Variants in CTNNA3 observed in about 807,000 individuals in gnomAD.
The protein encoded by CTNNA3 is catenin alpha-3.
CTNNA3 carries 76 observed loss-of-function variants against 95.7 expected under a neutral mutation model. The ratio of observed to expected loss-of-function variants is 0.79; its 90% CI spans 0.66 to 0.96. The LOEUF is 0.96. Ranked by LOEUF, CTNNA3 falls within the 40% of genes least tolerant of loss-of-function variation. The pLI is 0.00. For synonymous variants in CTNNA3, 431 were observed against 374.4 expected (o/e 1.15, Z -1.74); for missense variants, 1,191 against 1,089.8 (o/e 1.09, Z -1.31).
chr10:67,679,670 T>TA (rs1309923530), intron 1 of CTNNA3, among the ~76,000 whole-genome samples: 11 of 152,280 alleles, frequency 7.2e-5, no homozygotes, highest in Admixed American at 2.6e-4. Flanking sequence ...TTCCTTTTTT[T>TA]AAAAAAATCA....
rs1480526961 is a variant in CTNNA3, at chr10:65,956,432, T to G, written c.2400+10180A>C. Among the ~76,000 whole-genome samples the G allele has an allele frequency of 3.3e-5, 5 of 152,222 alleles. No homozygotes were observed. In the East Asian group the frequency reaches 9.6e-4, roughly 29 times the overall value. On this transcript the variant is annotated intron_variant, in intron 17 of 17. Transcript: ENST00000433211. The stretch of plus-strand genomic sequence containing the variant: ...TAGTTATTCTTGCCTTCTGCTAGAT[T>G]TTGAATGTGTTTGCTCTTGCTTCTC...
chr10:67,388,705 G>A (rs1354361305), intron 5 of CTNNA3, among the ~76,000 whole-genome samples: 26 of 151,986 alleles, frequency 1.7e-4, no homozygotes, highest in East Asian at 5.8e-4. Context: ...GACTAACAGC[G>A]GATCTCTCGG....
chr10:66,688,700 G>A (rs769966469), intron 9 of CTNNA3, among the ~76,000 whole-genome samples: 40 of 152,018 alleles, frequency 2.6e-4, no homozygotes, highest in African/African-American at 8.2e-4. Context: ...GGCCGGGCGC[G>A]GTGGCTCACG....
intron 13 of CTNNA3, among the ~76,000 whole-genome samples, chr10:66,264,515 G>A (rs2091098512): frequency 6.6e-6 from 1 of 151,672 alleles, no homozygotes; most frequent in Non-Finnish European, 1.5e-5. Flanking sequence ...GGATATATTT[G>A]GTTAAAATAT....
At chr10:67,496,838 T>C (rs1266907852) in intron 5 of CTNNA3, among the ~76,000 whole-genome samples, 1 of 152,172 alleles carries the variant, frequency 6.6e-6, no homozygotes, top group African/African-American at 2.4e-5. Flanking sequence ...TGATAAACAC[T>C]TACTGTTTTC....
chr10:66,662,651 C>T (rs558621519), intron 9 of CTNNA3, among the ~76,000 whole-genome samples: 1 of 152,240 alleles, frequency 6.6e-6, no homozygotes, highest in Non-Finnish European at 1.5e-5. Flanking sequence ...CAGATCCCAT[C>T]TCCTTTTGCC....
In CTNNA3 at chr10:67,534,179, G is replaced by T. The variant is rs78723701; in HGVS notation, c.459+5324C>A. Among the ~76,000 whole-genome samples, 4,408 of 151,946 alleles carry T rather than the reference G, an allele frequency of 0.029. 445 individuals carry two copies. In the East Asian group the frequency reaches 0.36, roughly 13 times the overall value. The stretch of plus-strand genomic sequence containing the variant: ...TAAAAAGGCAGTCCTCTGTTTTGGG[G>T]GAAAAAAAGTGTGTTCCCAGGAGAA... On this transcript the variant is annotated intron_variant, in intron 4 of 17. Coordinates refer to ENST00000433211, the MANE Select transcript of CTNNA3 (RefSeq NM_013266.4).
intron 10 of CTNNA3, among the ~76,000 whole-genome samples, chr10:66,567,585 C>G (rs569125186): frequency 6.2e-4 from 95 of 152,138 alleles, no homozygotes; most frequent in Middle Eastern, 3.4e-3. Context: ...CATCTCTGCA[C>G]TCTAGCCTGC....
intron 5 of CTNNA3, among the ~76,000 whole-genome samples, chr10:67,229,239 G>A (rs1211833480): frequency 2.0e-5 from 3 of 152,136 alleles, no homozygotes; most frequent in Non-Finnish European, 2.9e-5. Flanking sequence ...CTCAATAGAT[G>A]CAGAAAAAGC....
intron 9 of CTNNA3, among the ~76,000 whole-genome samples, chr10:66,661,124 C>A (rs1364607391): frequency 7.0e-6 from 1 of 142,316 alleles, no homozygotes; most frequent in Non-Finnish European, 1.5e-5. Flanking sequence ...TTAGATCAGT[C>A]ATGTTAGACC....
chr10:66,757,300 A>T, intron 9 of CTNNA3, among the ~76,000 whole-genome samples: 1 of 152,166 alleles, frequency 6.6e-6, no homozygotes, highest in Non-Finnish European at 1.5e-5. Context: ...ATTTTAGATT[A>T]GGAAGAATAT....
At chr10:66,286,488 T>C (rs1268012490) in intron 12 of CTNNA3, among the ~76,000 whole-genome samples, 1 of 101,042 alleles carries the variant, frequency 9.9e-6, no homozygotes, top group Non-Finnish European at 1.9e-5. Flanking sequence ...TTTCTACCAT[T>C]CAGAAAAACA....
At chr10:67,098,012 A>G (rs1858118768) in intron 7 of CTNNA3, 7 of 568,046 alleles carry the variant, frequency 1.2e-5, no homozygotes, top group Non-Finnish European at 2.2e-5. Context: ...GTATTTTTTG[A>G]CTTAAACAGA....
chr10:66,514,718 G>A lies in CTNNA3; in HGVS notation c.1531+5899C>T, dbSNP rs571138828. On this transcript the variant is annotated intron_variant, in intron 11 of 17. Transcript: ENST00000433211. ...ATTATGGAATATTAAATAAATAAAC[G>A]AAGGAATAAATAAAAGAAAGGTTGT... Among the ~76,000 whole-genome samples the A allele has an allele frequency of 1.2e-4, 19 of 152,134 alleles. No individual in the cohort carries two copies. In the South Asian group the frequency reaches 2.7e-3, roughly 22 times the overall value.
intron 5 of CTNNA3, among the ~76,000 whole-genome samples, chr10:67,445,025 A>G (rs1438665274): frequency 6.6e-6 from 1 of 152,150 alleles, no homozygotes; most frequent in Non-Finnish European, 1.5e-5. Context: ...CAGGAAAAAA[A>G]AACTAATACC....
intron 1 of CTNNA3, among the ~76,000 whole-genome samples, chr10:67,695,663 C>A (rs1168466254): frequency 6.6e-6 from 1 of 152,134 alleles, no homozygotes; most frequent in Non-Finnish European, 1.5e-5. Flanking sequence ...ACTCCCATGC[C>A]AAAGCACAAG....
intron 1 of CTNNA3, among the ~76,000 whole-genome samples, chr10:67,722,435 A>T (rs1564840208): frequency 1.3e-5 from 2 of 152,218 alleles, no homozygotes; most frequent in Non-Finnish European, 2.9e-5. Flanking sequence ...GAATTTTAAC[A>T]GATATCTAAA....
intron 12 of CTNNA3, among the ~76,000 whole-genome samples, chr10:66,328,911 C>CATATATATATATATATATATATAT (rs1554935009): frequency 0.015 from 1,269 of 85,800 alleles, 45 homozygotes; most frequent in Non-Finnish European, 0.022. Context: ...CACATATATA[C>CATATATATATATATATATATATAT]ATATATATAT....
intron 2 of CTNNA3, among the ~76,000 whole-genome samples, chr10:67,628,310 T>C (rs1839027247): frequency 6.6e-6 from 1 of 151,626 alleles, no homozygotes; most frequent in African/African-American, 2.4e-5. Flanking sequence ...AATAGGTCTT[T>C]TGAGTATTTG....
Sources: allele counts gnomAD v4.1 joint callset (sites outside exome capture counted in the v4.1 genomes callset), GRCh38; gene constraint gnomAD v4.1.1; transcripts MANE v1.5; gene names NCBI Gene and HGNC (gene_info 2026-07-23, HGNC 2026-07-21).